CYP27A1: variants seen among roughly 807,000 people sequenced by gnomAD.
The protein encoded by CYP27A1 is sterol 26-hydroxylase, mitochondrial.
Under a neutral mutation model 58.2 loss-of-function variants are expected in CYP27A1, and 46 were observed. The observed-to-expected ratio is 0.79, with a 90% confidence interval of 0.62 to 1.01. CYP27A1 has a LOEUF of 1.01. Ranked by LOEUF, CYP27A1 falls within the 50% of genes least tolerant of loss-of-function variation. The pLI, the probability that CYP27A1 is intolerant of heterozygous loss-of-function variation, is 0.00. For missense variants in CYP27A1, 704 were observed against 687.0 expected (o/e 1.02, Z -0.28); for synonymous variants, 274 against 285.1 (o/e 0.96, Z 0.39).
In CYP27A1 at chr2:218,812,726, G is replaced by C. The variant is rs1167915356; in HGVS notation, c.821G>C (p.Gly274Ala). Residue 274 changes from glycine to alanine, a missense_variant, in exon 4 of 9, where the codon GGT becomes GCT. Coordinates refer to ENST00000258415, the MANE Select transcript of CYP27A1 (RefSeq NM_000784.4). ...VLPFWKRYLD[G>A]WNAIFSFGKK... Reference sequence around the variant, plus strand: ...CCTTTCTGGAAGCGATACCTGGATGGTTGGAATGCCATCTTTTCCTTTGGT... The same window carrying C: ...CCTTTCTGGAAGCGATACCTGGATGCTTGGAATGCCATCTTTTCCTTTGGT... The C allele has an allele frequency of 3.7e-6, 6 of 1,614,250 alleles. No homozygotes were observed. The highest frequency in any genetic ancestry group is 5.1e-6 in the Non-Finnish European group (6 of 1,180,054).
chr2:218,791,371 G>C (rs547202835), intron 1 of CYP27A1, among the ~76,000 whole-genome samples: 1 of 152,124 alleles, frequency 6.6e-6, no homozygotes, highest in Non-Finnish European at 1.5e-5. Context: ...AAGGCATAAG[G>C]TTATCCATGT....
chr2:218,798,169 AT>A (rs201734542), intron 1 of CYP27A1, among the ~76,000 whole-genome samples: 4,418 of 151,852 alleles, frequency 0.029, 195 homozygotes, highest in African/African-American at 0.097. Flanking sequence ...CACTTGGCTA[AT>A]TTTTTTGTAT....
intron 1 of CYP27A1, among the ~76,000 whole-genome samples, chr2:218,797,104 T>C (rs951758717): frequency 1.3e-5 from 2 of 151,886 alleles, no homozygotes; most frequent in Non-Finnish European, 2.9e-5. Flanking sequence ...TGAATTATAA[T>C]TTTTTTTTGA....
chr2:218,795,064 C>G (rs4674339), intron 1 of CYP27A1, among the ~76,000 whole-genome samples: 71,419 of 151,872 alleles, frequency 0.47, 17,260 homozygotes, highest in Non-Finnish European at 0.5. Context: ...TAGGAATTAT[C>G]CACTCTCACC....
chr2:218,800,109 G>T (rs898111098), intron 1 of CYP27A1, among the ~76,000 whole-genome samples: 1 of 152,070 alleles, frequency 6.6e-6, no homozygotes, highest in Non-Finnish European at 1.5e-5. Flanking sequence ...TATGTTCTGC[G>T]ACTCTTTTCT....
intron 2 of CYP27A1, among the ~76,000 whole-genome samples, chr2:218,810,711 G>A (rs1943703856): frequency 6.6e-6 from 1 of 152,152 alleles, no homozygotes; most frequent in African/African-American, 2.4e-5. Flanking sequence ...GGAACAACGT[G>A]AAGTCCCAAC....
chr2:218,788,899 C>G (rs958518191), intron 1 of CYP27A1, among the ~76,000 whole-genome samples: 4 of 152,212 alleles, frequency 2.6e-5, no homozygotes, highest in Non-Finnish European at 5.9e-5. Context: ...GTTACCTTGA[C>G]TGGACTTAAG....
intron 1 of CYP27A1, among the ~76,000 whole-genome samples, chr2:218,783,807 G>A (rs1327939987): frequency 2.0e-5 from 3 of 152,196 alleles, no homozygotes; most frequent in Non-Finnish European, 4.4e-5. Flanking sequence ...TGCTGGTCAT[G>A]TGTCTGTGCT....
intron 5 of CYP27A1, 100 bp from the exon 6 acceptor site, chr2:218,813,921 C>A: frequency 7.4e-7 from 1 of 1,354,802 alleles, no homozygotes; most frequent in South Asian, 1.2e-5. Context: ...GTGGCAAATT[C>A]ATTTCTCCCA....
At chr2:218,800,579 G>A (rs947748607) in intron 1 of CYP27A1, among the ~76,000 whole-genome samples, 1 of 152,100 alleles carries the variant, frequency 6.6e-6, no homozygotes. Context: ...ATGCCATTTA[G>A]AATTGAAATA....
In CYP27A1 at chr2:218,814,107, G is replaced by C; in HGVS notation, c.1104G>C (p.Val368=). 6.2e-7 allele frequency: 1 copy of C among 1,614,250 alleles called. No individual in the cohort carries two copies. Among genetic ancestry groups the C allele is most frequent in the Non-Finnish European group, 8.5e-7 (1 of 1,180,042 alleles). ...QEALHEEVVG[V]VPAGQVPQHK... ...CCTTGCACGAGGAAGTGGTGGGTGT[G>C]GTGCCAGCCGGGCAAGTGCCCCAGC... The change falls in exon 6 of 9, where the codon GTG becomes GTC. Residue 368 remains valine (V), a synonymous_variant. Transcript: ENST00000258415.
intron 1 of CYP27A1, among the ~76,000 whole-genome samples, chr2:218,808,840 T>C (rs1053830507): frequency 4.6e-5 from 7 of 152,206 alleles, no homozygotes; most frequent in African/African-American, 1.7e-4. Flanking sequence ...GTCAATTTCA[T>C]AGAGGCCGTG....
At chr2:218,796,923 G>A (rs1263051179) in intron 1 of CYP27A1, among the ~76,000 whole-genome samples, 2 of 152,114 alleles carry the variant, frequency 1.3e-5, no homozygotes, top group Non-Finnish European at 2.9e-5. Flanking sequence ...ACCTGCATTT[G>A]AGAACACCTG....
rs566904835 is a variant in CYP27A1 at position 218,798,025 on chromosome 2, CAG to C, written c.256-11549_256-11548del. On this transcript the variant is annotated intron_variant, in intron 1 of 8. Coordinates refer to ENST00000258415, the MANE Select transcript of CYP27A1 (RefSeq NM_000784.4). ...CTTCTTATAATCTTTTTTTTTGAGA[CAG>C]AGTCTCGCCCTGTCACCCAGGCTGG... is the stretch of plus-strand genomic sequence containing the variant. Among the ~76,000 whole-genome samples, 440 of 152,012 alleles carry C rather than the reference CAG, an allele frequency of 2.9e-3. 2 individuals carry two copies. The highest frequency in any genetic ancestry group is 1.0e-2 in the African/African-American group (414 of 41,460).
chr2:218,803,324 C>T (rs988797701), intron 1 of CYP27A1, among the ~76,000 whole-genome samples: 1 of 152,160 alleles, frequency 6.6e-6, no homozygotes, highest in Admixed American at 6.6e-5. Flanking sequence ...TCTTTGTATA[C>T]TCTGGATATT....
chr2:218,810,535 G>T (rs1014553013), intron 2 of CYP27A1, among the ~76,000 whole-genome samples: 1 of 152,176 alleles, frequency 6.6e-6, no homozygotes, highest in African/African-American at 2.4e-5. Flanking sequence ...GGGAAAAAAA[G>T]CTATTCTGCT....
intron 1 of CYP27A1, among the ~76,000 whole-genome samples, chr2:218,799,108 C>A (rs1943574941): frequency 1.3e-5 from 2 of 152,182 alleles, no homozygotes; most frequent in Admixed American, 6.5e-5. Context: ...GCCTGTGCTG[C>A]AGATTTTATA....
At chr2:218,804,231 G>A (rs1027256617) in intron 1 of CYP27A1, among the ~76,000 whole-genome samples, 5 of 152,164 alleles carry the variant, frequency 3.3e-5, no homozygotes, top group African/African-American at 1.2e-4. Flanking sequence ...TATGGAGTGA[G>A]GTAGGGGTCC....
chr2:218,812,475 G>T, intron 3 of CYP27A1, 54 bp downstream of exon 3: 2 of 1,603,530 alleles, frequency 1.2e-6, no homozygotes, highest in Non-Finnish European at 1.7e-6. Context: ...GAGAGGTTGT[G>T]CTCCCTCTCC....
Sources: gnomAD v4.1 joint callset for allele counts (sites outside exome capture counted in the v4.1 genomes callset) on GRCh38, gnomAD v4.1.1 for gene constraint, MANE v1.5 for transcripts, NCBI Gene and HGNC (gene_info 2026-07-23, HGNC 2026-07-21) for gene names.